STX6: variants seen among roughly 807,000 people sequenced by gnomAD.
STX6 encodes syntaxin 6, also known as syntaxin-6.
A neutral mutation model predicts 38.0 loss-of-function variants in STX6; 23 were observed. The observed-to-expected ratio is 0.60, with a 90% CI of 0.43 to 0.86. STX6 has a LOEUF of 0.86. Among genes scored for constraint, STX6 ranks in the 40% least tolerant of loss-of-function variants. The probability of loss-of-function intolerance (pLI) is 0.00; values close to 1 mark genes in which losing one functional copy is unlikely to be tolerated. For synonymous variants in STX6, 123 were observed against 107.5 expected, an observed-to-expected ratio of 1.14 and a Z score of -0.89; for missense variants, 274 against 312.9, an observed-to-expected ratio of 0.88 and a Z score of 0.94.
chr1:181,005,914 A>T (rs1656213786), intron 1 of STX6, among the ~76,000 whole-genome samples: 2 of 152,140 alleles, frequency 1.3e-5, no homozygotes, highest in Admixed American at 1.3e-4. Context: ...AGGGAAGGTT[A>T]CTCTTACATA....
Position 180,972,728 on chromosome 1 carries a change from T to G in STX6, c.*3842A>C. 1 of 416,302 alleles carries G rather than the reference T, an allele frequency of 2.4e-6. No individual in the cohort carries two copies. The highest frequency in any genetic ancestry group is 1.7e-5 in the South Asian group (1 of 57,602). 25.8% of individuals were successfully genotyped at this position (416,302 alleles called of 1,614,324 possible). A position where few individuals can be genotyped will look rare whatever the true frequency, so the allele number is the denominator to read the frequency against. On this transcript the variant is annotated 3_prime_UTR_variant, in exon 8 of 8. Coordinates refer to ENST00000258301, the MANE Select transcript of STX6 (RefSeq NM_005819.6). Reference sequence around the variant, plus strand: ...ATTCAGTCCTTTTCAAGTTGAATTCTTTTCAGGTTGTTTTATTTTCCTTTT... The same window carrying G: ...ATTCAGTCCTTTTCAAGTTGAATTCGTTTCAGGTTGTTTTATTTTCCTTTT...
rs1211237480 is a variant in STX6 at position 180,975,223 on chromosome 1, G to C, written c.*1347C>G. ...TCCAAGTGCAAAAGAAGGTGGTGAGGAGAGACCAGCAGCCTCCACCACCGA... is the reference window on the plus strand; with the variant it reads ...TCCAAGTGCAAAAGAAGGTGGTGAGCAGAGACCAGCAGCCTCCACCACCGA... On this transcript the variant is annotated 3_prime_UTR_variant, in exon 8 of 8. Coordinates refer to ENST00000258301, the MANE Select transcript of STX6 (RefSeq NM_005819.6). 6.6e-6 allele frequency: 1 copy of C among 152,624 alleles called. No homozygotes were observed. The highest frequency in any genetic ancestry group is 1.5e-5 in the Non-Finnish European group (1 of 68,034). The allele number at this position is 152,624 out of a possible 1,614,324, so 9.5% of individuals were successfully genotyped here.
chr1:181,008,420 C>A (rs542879236), intron 1 of STX6, among the ~76,000 whole-genome samples: 1 of 152,242 alleles, frequency 6.6e-6, no homozygotes, highest in African/African-American at 2.4e-5. Flanking sequence ...ATCCAAAATG[C>A]CCCCAGTGAG....
chr1:181,018,587 G>A (rs1337161058), intron 1 of STX6, among the ~76,000 whole-genome samples: 1 of 151,684 alleles, frequency 6.6e-6, no homozygotes, highest in African/African-American at 2.4e-5. Flanking sequence ...GTGAAATGAT[G>A]ACAATAATAA....
chr1:181,002,558 G>T, intron 3 of STX6, 48 bp downstream of exon 3: 1 of 1,355,324 alleles, frequency 7.4e-7, no homozygotes, highest in South Asian at 1.2e-5. Flanking sequence ...GCTCTAAGAA[G>T]TCTGGCTATT....
chr1:180,979,975 G>A (rs1655356170), intron 7 of STX6, among the ~76,000 whole-genome samples: 1 of 152,178 alleles, frequency 6.6e-6, no homozygotes, highest in African/African-American at 2.4e-5. Context: ...GAGAAGCCAT[G>A]GCAGGCAGAT....
intron 7 of STX6, among the ~76,000 whole-genome samples, chr1:180,980,140 A>G (rs1655361510): frequency 6.9e-6 from 1 of 145,300 alleles, no homozygotes; most frequent in African/African-American, 2.5e-5. Flanking sequence ...CTGGAAGGCA[A>G]AAGTTGCAGT....
chr1:181,014,669 G>T (rs561849381), intron 1 of STX6, among the ~76,000 whole-genome samples: 13 of 152,226 alleles, frequency 8.5e-5, no homozygotes, highest in Middle Eastern at 3.4e-3. Context: ...TCTCCAACTG[G>T]TTCCTGCCCC....
chr1:180,995,706 TAAAAA>T (rs1655888117), intron 3 of STX6, among the ~76,000 whole-genome samples: 1 of 152,144 alleles, frequency 6.6e-6, no homozygotes, highest in African/African-American at 2.4e-5. Flanking sequence ...ATTAATAAAA[TAAAAA>T]TATAGTCAGT....
chr1:180,994,041 T>A (rs1448852702), intron 3 of STX6, among the ~76,000 whole-genome samples: 1 of 152,222 alleles, frequency 6.6e-6, no homozygotes, highest in Non-Finnish European at 1.5e-5. Context: ...CAGAGTGAAT[T>A]TCCAGAGTGG....
intron 1 of STX6, among the ~76,000 whole-genome samples, chr1:181,007,892 G>C (rs185016809): frequency 6.6e-6 from 1 of 152,310 alleles, no homozygotes; most frequent in East Asian, 1.9e-4. Flanking sequence ...AAAAAATGTA[G>C]TGAGAATGGC....
At chr1:180,998,745 C>A (rs1655988127) in intron 3 of STX6, among the ~76,000 whole-genome samples, 1 of 152,210 alleles carries the variant, frequency 6.6e-6, no homozygotes, top group Admixed American at 6.5e-5. Flanking sequence ...CCACACAACA[C>A]CTTCATATTG....
chr1:180,990,290 A>G (rs1655717885), intron 4 of STX6, among the ~76,000 whole-genome samples, 181 bp from the exon 5 acceptor site: 1 of 152,138 alleles, frequency 6.6e-6, no homozygotes. Context: ...AATTCCAGGA[A>G]GGGCCCTCTA....
At position 180,984,677 on chromosome 1, in the gene STX6, C is replaced by T. The variant is rs1655519739; in HGVS notation, c.691G>A (p.Asp231Asn). Residue 231 changes from aspartate (D) to asparagine (N), a missense_variant and splice_region_variant, in exon 7 of 8, where the codon GAT becomes AAT. Transcript: ENST00000258301. ...CTTAAGCTTTAAACGCCATACATAC[C>T]ACTGGTCATATGAGATACTTTTGCA... ...KLAKVSHMTS[D>N]RRQWCAIAIL... The T allele has an allele frequency of 6.9e-7, 1 of 1,451,300 alleles. No individual in the cohort carries two copies. Among genetic ancestry groups the T allele is most frequent in the Non-Finnish European group, 9.7e-7 (1 of 1,033,592 alleles). The allele number at this position is 1,451,300 out of a possible 1,614,324, so 89.9% of individuals were successfully genotyped here.
At chr1:181,006,354 C>G (rs1033867784) in intron 1 of STX6, among the ~76,000 whole-genome samples, 7 of 151,424 alleles carry the variant, frequency 4.6e-5, no homozygotes, top group Non-Finnish European at 1.0e-4. Context: ...TGAGCCACCA[C>G]GCCCAGCCAC....
chr1:180,979,279 C>T (rs1320297377), intron 7 of STX6, among the ~76,000 whole-genome samples: 1 of 151,996 alleles, frequency 6.6e-6, no homozygotes, highest in Non-Finnish European at 1.5e-5. Flanking sequence ...ACAGAATATT[C>T]CAGAAATGTG....
chr1:180,985,016 C>T (rs1027071147), intron 6 of STX6, among the ~76,000 whole-genome samples: 2 of 152,150 alleles, frequency 1.3e-5, no homozygotes, highest in Admixed American at 6.5e-5. Flanking sequence ...GAGGACACCA[C>T]CAGGAGGGTC....
chr1:180,994,307 C>T (rs1655837989), intron 3 of STX6, among the ~76,000 whole-genome samples: 1 of 152,184 alleles, frequency 6.6e-6, no homozygotes, highest in Non-Finnish European at 1.5e-5. Context: ...TGAGACAGTG[C>T]CACCGCTTTT....
rs200872688 is a variant in STX6 at position 180,988,353 on chromosome 1, C to T, written c.490-8G>A. Reference sequence around the variant, plus strand: ...CTGCTGTTCCACGATCAACTGGTGCCAGAGAAATGGGAAATAAGCAATTAA... The same window carrying T: ...CTGCTGTTCCACGATCAACTGGTGCTAGAGAAATGGGAAATAAGCAATTAA... On this transcript the variant is annotated splice_region_variant and splice_polypyrimidine_tract_variant and intron_variant, in intron 5 of 7. Transcript: ENST00000258301. 7 of 1,609,240 alleles carry T rather than the reference C, an allele frequency of 4.3e-6. No individual in the cohort carries two copies. Among genetic ancestry groups the T allele is most frequent in the Non-Finnish European group, 6.0e-6 (7 of 1,176,058 alleles).
Sources: gnomAD v4.1 joint callset for allele counts (sites outside exome capture counted in the v4.1 genomes callset) on GRCh38, gnomAD v4.1.1 for gene constraint, MANE v1.5 for transcripts, NCBI Gene and HGNC (gene_info 2026-07-23, HGNC 2026-07-21) for gene names.